The following DGKD variants were observed in gnomAD, a reference collection of about 807,000 sequenced individuals.
DGKD encodes DAG kinase delta.
Under a neutral mutation model 154.4 loss-of-function variants are expected in DGKD, and 68 were observed. The ratio of observed to expected loss-of-function variants is 0.44; its 90% CI spans 0.36 to 0.54. The LOEUF is 0.54. DGKD is among the 20% of genes least tolerant of loss of function. The pLI is 0.00. For missense variants in DGKD, 1,343 were observed against 1,593.6 expected, an observed-to-expected ratio of 0.84 and a Z score of 2.68; for synonymous variants, 693 against 638.0, an observed-to-expected ratio of 1.09 and a Z score of -1.30.
At chr2:233,413,363 T>C (rs2061875197) in intron 3 of DGKD, among the ~76,000 whole-genome samples, 1 of 152,098 alleles carries the variant, frequency 6.6e-6, no homozygotes, top group South Asian at 2.1e-4. Context: ...AGGTATGCAG[T>C]TTTTTTGGGG....
At chr2:233,447,229 G>A (rs116368441) in intron 12 of DGKD, among the ~76,000 whole-genome samples, 4,316 of 152,166 alleles carry the variant, frequency 0.028, 207 homozygotes, top group African/African-American at 0.1. Flanking sequence ...TCTCTGTGGC[G>A]TCTGCAGCTG....
chr2:233,354,940 C>T lies in DGKD; in HGVS notation c.156+266C>T, dbSNP rs1701472028. Reference sequence around the variant, plus strand: ...GGCGCCCCGGGCGCCGCGCGCTGGGCGGGGGGCGCGCGCCGAGTTGGGCCG... The same window carrying T: ...GGCGCCCCGGGCGCCGCGCGCTGGGTGGGGGGCGCGCGCCGAGTTGGGCCG... On this transcript the variant is annotated intron_variant, in intron 1 of 29. Transcript: ENST00000264057. This position sits in a 1 kb window ranked among gnomAD's most constrained non-coding sequence, Gnocchi z 4.8. 1.4e-5 allele frequency among the ~76,000 whole-genome samples: 2 copies of T among 147,714 alleles called. No individual in the cohort carries two copies. Among genetic ancestry groups the T allele is most frequent in the Admixed American group, 1.3e-4 (2 of 14,872 alleles).
intron 1 of DGKD, among the ~76,000 whole-genome samples, chr2:233,386,619 T>C (rs540162196): frequency 1.1e-4 from 16 of 152,230 alleles, no homozygotes; most frequent in South Asian, 4.1e-4. Flanking sequence ...CGTTGGATAA[T>C]GTTGGGCTCC....
chr2:233,397,216 GT>G (rs1465295434), intron 3 of DGKD, among the ~76,000 whole-genome samples: 4 of 8,180 alleles, frequency 4.9e-4, no homozygotes, highest in African/African-American at 1.4e-3. Flanking sequence ...GGGGGGGGGG[GT>G]GCCAGAGTGA....
At position 233,452,492 on chromosome 2, in the gene DGKD, C is replaced by T. The variant is rs1043247668; in HGVS notation, c.2264+432C>T. Among the ~76,000 whole-genome samples the T allele has an allele frequency of 2.6e-5, 4 of 152,162 alleles. No homozygotes were observed. Among genetic ancestry groups the T allele is most frequent in the Non-Finnish European group, 5.9e-5 (4 of 68,042 alleles). On this transcript the variant is annotated intron_variant, in intron 18 of 29. Coordinates refer to ENST00000264057, the MANE Select transcript of DGKD (RefSeq NM_152879.3). This position sits in a 1 kb window ranked among gnomAD's most constrained non-coding sequence, Gnocchi z 4.0. ...TCCCTCTGCTTTCCTCTAACACCTGCTCTCCTTGTTGGTGATGCAGAACCA... is the reference window on the plus strand; with the variant it reads ...TCCCTCTGCTTTCCTCTAACACCTGTTCTCCTTGTTGGTGATGCAGAACCA...
chr2:233,429,841 C>T (rs2062449885), intron 3 of DGKD, among the ~76,000 whole-genome samples: 1 of 152,262 alleles, frequency 6.6e-6, no homozygotes. Context: ...AGGTGTTCTT[C>T]TCCCACCAAC....
chr2:233,354,547 C>T lies in DGKD; in HGVS notation c.29C>T (p.Pro10Leu), dbSNP rs1218771299. MAAAAGAPP[P>L]GPPQPPPPPP... ...GCGGCGGCGGCGGGCGCCCCTCCGC[C>T]GGGTCCCCCGCAACCGCCTCCGCCG... Residue 10 changes from proline (P) to leucine (L), a missense_variant, in exon 1 of 30, where the codon CCG (proline) becomes CTG (leucine). Coordinates refer to ENST00000264057, the MANE Select transcript of DGKD (RefSeq NM_152879.3). The surrounding 1 kb of genome is among the most constrained non-coding windows in gnomAD (Gnocchi z 4.8). 6.9e-6 allele frequency: 7 copies of T among 1,014,124 alleles called. No individual in the cohort carries two copies. The highest frequency in any genetic ancestry group is 5.9e-5 in the Admixed American group (1 of 16,894). 62.8% of individuals were successfully genotyped at this position (1,014,124 alleles called of 1,614,324 possible).
In DGKD at chr2:233,449,132, C is replaced by T; in HGVS notation, c.1644C>T (p.Ser548=). 6.2e-7 allele frequency: 1 copy of T among 1,601,182 alleles called. No homozygotes were observed. Among genetic ancestry groups the T allele is most frequent in the South Asian group, 1.1e-5 (1 of 90,822 alleles). ...KCSVLKEKLD[S]LLKTLDDESQ... is the part of the protein sequence containing the mutation. ...CTGTCCTGAAAGAGAAGCTGGATTC[C>T]CTTCTCAAGACCTTGGACGATGAGT... The change falls in exon 15 of 30, where the codon TCC becomes TCT. Residue 548 remains serine (S), a synonymous_variant. Transcript: ENST00000264057. The surrounding 1 kb of genome is among the most constrained non-coding windows in gnomAD (Gnocchi z 5.3).
chr2:233,404,087 G>GTTTACATGTGTTATATACATGTATAA lies in DGKD; in HGVS notation c.348+13634_348+13659dup, dbSNP rs1354740382. Among the ~76,000 whole-genome samples, 184 of 151,468 alleles carry GTTTACATGTGTTATATACATGTATAA rather than the reference G, an allele frequency of 1.2e-3. 2 individuals are homozygous for GTTTACATGTGTTATATACATGTATAA. Among genetic ancestry groups the GTTTACATGTGTTATATACATGTATAA allele is most frequent in the African/African-American group, 4.3e-3 (176 of 41,358 alleles). ...GTGTTATATACATGTATAATTTTGT[G>GTTTACATGTGTTATATACATGTATAA]TTTACATGTGTTATATACATGTATA... On this transcript the variant is annotated intron_variant, in intron 3 of 29. Transcript: ENST00000264057.
intron 3 of DGKD, among the ~76,000 whole-genome samples, chr2:233,422,452 C>T (rs2062152404): frequency 6.6e-6 from 1 of 152,196 alleles, no homozygotes; most frequent in Non-Finnish European, 1.5e-5. Flanking sequence ...GACTCAGGCG[C>T]AGGGACAGGC....
intron 10 of DGKD, 121 bp downstream of exon 10, chr2:233,442,116 G>C: frequency 2.1e-6 from 2 of 969,064 alleles, no homozygotes; most frequent in Non-Finnish European, 3.2e-6. Flanking sequence ...AACCATTGGT[G>C]GTTTTGGGGA....
intron 28 of DGKD, 78 bp from the exon 29 acceptor site, chr2:233,468,345 G>A (rs1394489722): frequency 1.9e-6 from 3 of 1,570,264 alleles, no homozygotes; most frequent in Non-Finnish European, 2.6e-6. Flanking sequence ...GGGCTCTCGG[G>A]TGCTGGGTGC....
intron 3 of DGKD, among the ~76,000 whole-genome samples, chr2:233,425,221 C>T (rs1184041705): frequency 6.6e-6 from 1 of 152,084 alleles, no homozygotes; most frequent in East Asian, 1.9e-4. Context: ...GAGTCACACC[C>T]TGTCGCCCAG....
rs756237209 is a variant in DGKD, at chr2:233,469,441, C to A, written c.3626C>A (p.Ala1209Asp). Residue 1209 changes from alanine to aspartate, a missense_variant, in exon 30 of 30, where the codon GCC (alanine) becomes GAC (aspartate). Coordinates refer to ENST00000264057, the MANE Select transcript of DGKD (RefSeq NM_152879.3). ...GGCATCAAGGAGCTGAGCCGCAGCGCCCCCGCCGTCGAGGCCTAGCCTCTG... is the reference window on the plus strand; with the variant it reads ...GGCATCAAGGAGCTGAGCCGCAGCGACCCCGCCGTCGAGGCCTAGCCTCTG... ...LCGIKELSRS[A>D]PAVEA The A allele has an allele frequency of 1.9e-6, 3 of 1,603,774 alleles. No homozygotes were observed. The highest frequency in any genetic ancestry group is 2.6e-6 in the Non-Finnish European group (3 of 1,176,288).
chr2:233,432,487 G>A (rs776534734), intron 3 of DGKD, among the ~76,000 whole-genome samples: 3 of 152,090 alleles, frequency 2.0e-5, no homozygotes, highest in South Asian at 2.1e-4. Flanking sequence ...GTGAAACCTC[G>A]TCTCTACTAA....
chr2:233,396,599 C>T (rs1343228401), intron 3 of DGKD, among the ~76,000 whole-genome samples: 1 of 152,222 alleles, frequency 6.6e-6, no homozygotes, highest in Non-Finnish European at 1.5e-5. Flanking sequence ...AAGACCCCAC[C>T]TGGCCTTGGG....
intron 3 of DGKD, among the ~76,000 whole-genome samples, chr2:233,432,450 G>C (rs891281284): frequency 6.6e-6 from 1 of 151,016 alleles, no homozygotes; most frequent in Admixed American, 6.6e-5. Flanking sequence ...ATGAGGTCAG[G>C]AGATCGTGAC....
intron 3 of DGKD, among the ~76,000 whole-genome samples, chr2:233,425,848 C>CCACAAATAA (rs1273583229): frequency 6.6e-6 from 1 of 152,194 alleles, no homozygotes; most frequent in Non-Finnish European, 1.5e-5. Context: ...GTGAATGCCG[C>CCACAAATAA]CACAAATAAC....
intron 3 of DGKD, chr2:233,429,123 T>A: frequency 1.0e-6 from 1 of 985,134 alleles, no homozygotes; most frequent in Non-Finnish European, 1.2e-6. Flanking sequence ...GTGGGTCAGG[T>A]GGGCCCAAAG....
Sources: allele counts gnomAD v4.1 joint callset (sites outside exome capture counted in the v4.1 genomes callset), GRCh38; gene constraint gnomAD v4.1.1; non-coding constraint Gnocchi (gnomAD v3.1); transcripts MANE v1.5; gene names NCBI Gene and HGNC (gene_info 2026-07-23, HGNC 2026-07-21).